Variants in CREBRF observed in about 807,000 individuals in gnomAD.
CREBRF encodes the protein CREB3 regulatory factor.
A neutral mutation model predicts 66.1 loss-of-function variants in CREBRF; 5 were observed. That is an observed-to-expected ratio of 0.08 (90% CI 0.04 to 0.16). The LOEUF is 0.16. CREBRF is among the 10% of genes least tolerant of loss of function. The pLI, the probability that CREBRF is intolerant of heterozygous loss-of-function variation, is 1.00. For missense variants in CREBRF, 531 were observed against 744.9 expected, an observed-to-expected ratio of 0.71 and a Z score of 3.34; for synonymous variants, 229 against 264.4, an observed-to-expected ratio of 0.87 and a Z score of 1.30.
chr5:173,061,213 G>C (rs938487730), intron 1 of CREBRF, among the ~76,000 whole-genome samples: 1 of 152,146 alleles, frequency 6.6e-6, no homozygotes, highest in Non-Finnish European at 1.5e-5. Context: ...TGATCTGCCC[G>C]CCTCAGCCTC....
intron 1 of CREBRF, among the ~76,000 whole-genome samples, chr5:173,076,765 AAAAG>A (rs1226815508): frequency 4.6e-5 from 7 of 151,572 alleles, no homozygotes; most frequent in East Asian, 1.9e-4. Flanking sequence ...AAAAAAAAAA[AAAAG>A]AGAGTGTTTA....
chr5:173,111,235 C>G (rs948177091), intron 6 of CREBRF, among the ~76,000 whole-genome samples: 3 of 152,074 alleles, frequency 2.0e-5, no homozygotes, highest in Non-Finnish European at 4.4e-5. Context: ...ATGTCATGTA[C>G]ATGGAATATA....
At chr5:173,067,767 G>T (rs753543451) in intron 1 of CREBRF, among the ~76,000 whole-genome samples, 1 of 152,182 alleles carries the variant, frequency 6.6e-6, no homozygotes, top group Non-Finnish European at 1.5e-5. Flanking sequence ...GGAGGCTGAG[G>T]CGGGTGGATC....
intron 2 of CREBRF, chr5:173,086,101 C>G: frequency 1.2e-6 from 1 of 818,730 alleles, no homozygotes; most frequent in South Asian, 1.3e-5. Flanking sequence ...GCATAGTTGT[C>G]AAAAACAGTA....
intron 8 of CREBRF, among the ~76,000 whole-genome samples, chr5:173,129,893 C>T (rs1759374948): frequency 1.3e-5 from 2 of 152,006 alleles, no homozygotes; most frequent in South Asian, 4.1e-4. Context: ...ATGGAGTGAT[C>T]TCAGTTCACT....
chr5:173,126,328 A>T (rs935278591), intron 8 of CREBRF, among the ~76,000 whole-genome samples: 4 of 152,094 alleles, frequency 2.6e-5, no homozygotes, highest in Non-Finnish European at 4.4e-5. Context: ...TTTACTGGGG[A>T]TGGGGTTTCA....
At chr5:173,064,589 A>C (rs1237321665) in intron 1 of CREBRF, among the ~76,000 whole-genome samples, 1 of 122,984 alleles carries the variant, frequency 8.1e-6, no homozygotes, top group Non-Finnish European at 1.8e-5. Context: ...TTTTTGAGAC[A>C]GAGTCTCGCT....
chr5:173,124,559 C>CAAAAAAAAA (rs540860912), intron 8 of CREBRF: 2 of 76,182 alleles, frequency 2.6e-5, no homozygotes, highest in African/African-American at 5.2e-5. Flanking sequence ...AACTCTGTCT[C>CAAAAAAAAA]AAAAAAAAAA....
rs116233349 is a variant in CREBRF at position 173,120,178 on chromosome 5, G to A, written c.1682-2902G>A. On this transcript the variant is annotated intron_variant, in intron 7 of 8. Transcript: ENST00000296953. ...TATACTGGCCTTATAGAATTAATTG[G>A]ACCATGATCTCTCTTTCTTTTTTGT... 3.3e-3 allele frequency among the ~76,000 whole-genome samples: 503 copies of A among 151,966 alleles called. 2 individuals are homozygous for A. The highest frequency in any genetic ancestry group is 0.011 in the African/African-American group (467 of 41,464).
At chr5:173,112,607 C>T (rs532889541) in intron 7 of CREBRF, among the ~76,000 whole-genome samples, 1 of 152,186 alleles carries the variant, frequency 6.6e-6, no homozygotes, top group African/African-American at 2.4e-5. Flanking sequence ...CATCTTTACA[C>T]TAACAAGCTG....
In CREBRF at chr5:173,138,569, T is replaced by A. The variant is rs1378241110; in HGVS notation, c.*4824T>A. 1.3e-5 allele frequency: 2 copies of A among 152,184 alleles called. No homozygotes were observed. Among genetic ancestry groups the A allele is most frequent in the East Asian group, 3.8e-4 (2 of 5,204 alleles). 9.4% of individuals were successfully genotyped at this position (152,184 alleles called of 1,614,324 possible). ...GGTAACTAGTGAAGAACATCAAAGT[T>A]GGGTATTTCAATGTGCCAAGTTTGG... On this transcript the variant is annotated 3_prime_UTR_variant, in exon 9 of 9. Transcript: ENST00000296953.
At chr5:173,065,325 G>A (rs1378375110) in intron 1 of CREBRF, among the ~76,000 whole-genome samples, 1 of 152,184 alleles carries the variant, frequency 6.6e-6, no homozygotes, top group African/African-American at 2.4e-5. Flanking sequence ...AGGTGGGAGG[G>A]AGAATGGAAG....
chr5:173,128,901 C>T (rs913494967), intron 8 of CREBRF, among the ~76,000 whole-genome samples: 2 of 151,224 alleles, frequency 1.3e-5, no homozygotes, highest in Admixed American at 6.6e-5. Flanking sequence ...CTGCCTCAGC[C>T]GCCGGAGTAG....
Position 173,110,585 on chromosome 5 carries a change from A to T in CREBRF, c.1481A>T (p.Lys494Ile). The part of the protein sequence containing the change: ...DVEDLTPNPK[K>I]LLQIGNELRK... ...GAAGACCTGACTCCAAATCCTAAAA[A>T]ACTCCTCCAGATAGGCAATGAACTT... The change falls in exon 6 of 9, where the codon AAA becomes ATA. Residue 494 changes from lysine (K) to isoleucine (I), a missense_variant. Coordinates refer to ENST00000296953, the MANE Select transcript of CREBRF (RefSeq NM_153607.3). The T allele has an allele frequency of 6.2e-7, 1 of 1,614,068 alleles. No homozygotes were observed. Among genetic ancestry groups the T allele is most frequent in the Non-Finnish European group, 8.5e-7 (1 of 1,179,932 alleles).
At chr5:173,107,419 G>A (rs1484682829) in intron 4 of CREBRF, among the ~76,000 whole-genome samples, 2 of 152,100 alleles carry the variant, frequency 1.3e-5, no homozygotes, top group Non-Finnish European at 2.9e-5. Context: ...TCAATACTGG[G>A]TCTGACCAAC....
intron 1 of CREBRF, among the ~76,000 whole-genome samples, chr5:173,071,664 A>G (rs565911282): frequency 6.6e-6 from 1 of 152,114 alleles, no homozygotes; most frequent in East Asian, 1.9e-4. Flanking sequence ...AGTAGTTTGG[A>G]CATTATCCAA....
chr5:173,097,172 G>A (rs913669436), intron 4 of CREBRF, among the ~76,000 whole-genome samples: 5 of 152,176 alleles, frequency 3.3e-5, no homozygotes, highest in African/African-American at 1.2e-4. Flanking sequence ...ATTAGAGAAG[G>A]ATTGGTATTA....
chr5:173,108,800 A>G lies in CREBRF; in HGVS notation c.1399A>G (p.Lys467Glu). The change falls in exon 5 of 9, where the codon AAA becomes GAA. Residue 467 changes from lysine (K) to glutamate (E), a missense_variant. Lys to Glu is a moderately conservative substitution (Grantham distance 56). Coordinates refer to ENST00000296953, the MANE Select transcript of CREBRF (RefSeq NM_153607.3). Reference sequence around the variant, plus strand: ...TACTTTGCCAAGTAATATGTATCAGAAAAATGGCTTACATCATGGTAAGAG... The same window carrying G: ...TACTTTGCCAAGTAATATGTATCAGGAAAATGGCTTACATCATGGTAAGAG... ...RDTLPSNMYQ[K>E]NGLHHGKYAV... 2 of 1,611,298 alleles carry G rather than the reference A, an allele frequency of 1.2e-6. No individual in the cohort carries two copies. Among genetic ancestry groups the G allele is most frequent in the East Asian group, 2.2e-5 (1 of 44,862 alleles).
chr5:173,102,065 T>C (rs900350991), intron 4 of CREBRF, among the ~76,000 whole-genome samples: 2 of 152,212 alleles, frequency 1.3e-5, no homozygotes, highest in African/African-American at 4.8e-5. Context: ...TTTGATCAAG[T>C]CTTCTGTTGA....
Sources: gnomAD v4.1 joint callset for allele counts (sites outside exome capture counted in the v4.1 genomes callset) on GRCh38, gnomAD v4.1.1 for gene constraint, MANE v1.5 for transcripts, NCBI Gene and HGNC (gene_info 2026-07-23, HGNC 2026-07-21) for gene names.